The following CADM2 variants were observed in gnomAD, a reference collection of about 807,000 sequenced individuals.
The protein encoded by CADM2 is cell adhesion molecule 2.
A neutral mutation model predicts 49.8 loss-of-function variants in CADM2; 12 were observed. The observed-to-expected ratio is 0.24, with a 90% CI of 0.15 to 0.39. CADM2 has a LOEUF of 0.39. Among genes scored for constraint, CADM2 ranks in the 10% least tolerant of loss-of-function variants. The pLI is 1.00. For missense variants in CADM2, 378 were observed against 492.3 expected, an observed-to-expected ratio of 0.77 and a Z score of 2.20; for synonymous variants, 214 against 175.4, an observed-to-expected ratio of 1.22 and a Z score of -1.74.
chr3:85,352,857 A>T (rs999473714), intron 1 of CADM2, among the ~76,000 whole-genome samples: 5 of 152,080 alleles, frequency 3.3e-5, no homozygotes, highest in African/African-American at 4.8e-5. Context: ...ATTAACTTGA[A>T]TTTTTCTTCC....
chr3:85,893,923 G>A (rs145170888), intron 5 of CADM2, among the ~76,000 whole-genome samples: 36 of 152,340 alleles, frequency 2.4e-4, no homozygotes, highest in African/African-American at 8.4e-4. Context: ...TTCAACCGTT[G>A]TGGAAGTCAG....
At chr3:85,765,794 T>A (rs1053204968) in intron 2 of CADM2, among the ~76,000 whole-genome samples, 1 of 152,084 alleles carries the variant, frequency 6.6e-6, no homozygotes, top group African/African-American at 2.4e-5. Flanking sequence ...TAAGAAAATG[T>A]CCTGTGTAGG....
intron 2 of CADM2, among the ~76,000 whole-genome samples, chr3:85,799,687 C>T (rs980677173): frequency 6.6e-6 from 1 of 152,114 alleles, no homozygotes; most frequent in African/African-American, 2.4e-5. Flanking sequence ...ACTCCAGACC[C>T]TGTTTGCCTG....
intron 3 of CADM2, among the ~76,000 whole-genome samples, chr3:85,840,782 T>C (rs1233286320): frequency 1.3e-5 from 2 of 151,876 alleles, no homozygotes; most frequent in Non-Finnish European, 1.5e-5. Context: ...TTTTTAATTA[T>C]ATGGATAGAA....
intron 1 of CADM2, among the ~76,000 whole-genome samples, chr3:85,655,812 T>G (rs1298634443): frequency 6.6e-6 from 1 of 152,162 alleles, no homozygotes; most frequent in Non-Finnish European, 1.5e-5. Flanking sequence ...TTCCCCAAGT[T>G]TCTTAGTAGG....
intron 1 of CADM2, among the ~76,000 whole-genome samples, chr3:85,314,690 A>T (rs1008171567): frequency 6.6e-6 from 1 of 152,108 alleles, no homozygotes; most frequent in African/African-American, 2.4e-5. Flanking sequence ...ACTTGTTTTC[A>T]TTGTTTCTTA....
At chr3:85,581,653 C>A (rs1368548640) in intron 1 of CADM2, among the ~76,000 whole-genome samples, 1 of 151,840 alleles carries the variant, frequency 6.6e-6, no homozygotes, top group East Asian at 1.9e-4. Flanking sequence ...TGAGAGCTTG[C>A]CCAATAATCC....
At chr3:85,192,995 G>T (rs955013365) in intron 1 of CADM2, among the ~76,000 whole-genome samples, 1 of 152,074 alleles carries the variant, frequency 6.6e-6, no homozygotes, top group African/African-American at 2.4e-5. Context: ...TTTAAGAGAT[G>T]CAGAAGCTAT....
chr3:85,815,533 C>T lies in CADM2; in HGVS notation c.238+13337C>T, dbSNP rs1417685957. On this transcript the variant is annotated intron_variant, in intron 3 of 9. Transcript: ENST00000383699. ...CAATAGATGCAAAAAAGGTCTTTGA[C>T]AAAATTCAACAGCTCTTCATGCTAA... Among the ~76,000 whole-genome samples, 8 of 152,048 alleles carry T rather than the reference C, an allele frequency of 5.3e-5. No individual in the cohort carries two copies. The East Asian group carries it at 1.4e-3, about 26-fold the overall frequency.
chr3:85,923,678 AAC>A (rs1719455075), intron 6 of CADM2, among the ~76,000 whole-genome samples: 1 of 152,196 alleles, frequency 6.6e-6, no homozygotes, highest in Non-Finnish European at 1.5e-5. Flanking sequence ...AGGATTAGGT[AAC>A]AGTGATGATT....
intron 1 of CADM2, among the ~76,000 whole-genome samples, chr3:85,588,691 G>C (rs80047208): frequency 0.022 from 3,324 of 152,004 alleles, 112 homozygotes; most frequent in African/African-American, 0.074. Context: ...TTAATCTTAT[G>C]TTTCCAGTAG....
At chr3:85,511,743 G>A (rs2040626116) in intron 1 of CADM2, 1 of 256,444 alleles carries the variant, frequency 3.9e-6, no homozygotes, top group Non-Finnish European at 6.1e-6. Flanking sequence ...AAAGAAAATA[G>A]AGGTTGGAAT....
chr3:85,961,450 G>A lies in CADM2; in HGVS notation c.792-19G>A, dbSNP rs9819556. The A allele has an allele frequency of 0.17, 261,572 of 1,547,040 alleles. 22,995 individuals are homozygous for A. Among genetic ancestry groups the A allele is most frequent in the South Asian group, 0.24 (19,591 of 82,172 alleles). ...CATTTCTTATTTTTGCTATCTACATGCATGTTTCAATCCAATAGGCCAGAA... is the reference window on the plus strand; with the variant it reads ...CATTTCTTATTTTTGCTATCTACATACATGTTTCAATCCAATAGGCCAGAA... On this transcript the variant is annotated intron_variant, in intron 7 of 9. Transcript: ENST00000383699.
intron 1 of CADM2, among the ~76,000 whole-genome samples, chr3:85,701,574 G>C (rs1474273118): frequency 6.6e-6 from 1 of 152,046 alleles, no homozygotes; most frequent in African/African-American, 2.4e-5. Context: ...AGCCTTTGAG[G>C]AGTGGCAAAG....
intron 1 of CADM2, among the ~76,000 whole-genome samples, chr3:85,202,841 A>G (rs904352764): frequency 1.3e-5 from 2 of 152,186 alleles, no homozygotes; most frequent in African/African-American, 4.8e-5. Context: ...ACCTTCATCA[A>G]TAATCTTAGC....
intron 1 of CADM2, among the ~76,000 whole-genome samples, chr3:85,140,424 T>C (rs2039543177): frequency 6.6e-6 from 1 of 152,162 alleles, no homozygotes; most frequent in Non-Finnish European, 1.5e-5. Flanking sequence ...AATGGACAGG[T>C]AAATAACTCG....
intron 2 of CADM2, among the ~76,000 whole-genome samples, chr3:85,799,175 G>A (rs571677632): frequency 3.3e-5 from 5 of 152,308 alleles, no homozygotes; most frequent in African/African-American, 1.2e-4. Flanking sequence ...TTTGGGCTTA[G>A]ACGATGGGGT....
chr3:85,291,334 G>A (rs1436747059), intron 1 of CADM2, among the ~76,000 whole-genome samples: 5 of 151,564 alleles, frequency 3.3e-5, no homozygotes, highest in Non-Finnish European at 7.3e-5. Context: ...AAAGTGACGG[G>A]GAGAATGGAA....
intron 1 of CADM2, among the ~76,000 whole-genome samples, chr3:85,447,131 G>A (rs958143542): frequency 6.7e-6 from 1 of 148,698 alleles, no homozygotes; most frequent in Non-Finnish European, 1.5e-5. Context: ...TGTGTTTTTT[G>A]TATTGCTATA....
Sources: allele counts gnomAD v4.1 joint callset (sites outside exome capture counted in the v4.1 genomes callset), GRCh38; gene constraint gnomAD v4.1.1; transcripts MANE v1.5; gene names NCBI Gene and HGNC (gene_info 2026-07-23, HGNC 2026-07-21).